The following CAMK1G variants were observed in gnomAD, a reference collection of about 807,000 sequenced individuals.
CAMK1G encodes the protein calcium/calmodulin dependent protein kinase IG, also known as calcium/calmodulin-dependent protein kinase type 1G.
Under a neutral mutation model 54.8 loss-of-function variants are expected in CAMK1G, and 27 were observed. The ratio of observed to expected loss-of-function variants is 0.49; its 90% CI spans 0.36 to 0.68. CAMK1G has a LOEUF of 0.68. CAMK1G is among the 30% of genes least tolerant of loss of function. The pLI, the probability that CAMK1G is intolerant of heterozygous loss-of-function variation, is 0.00. For synonymous variants in CAMK1G, 238 were observed against 224.9 expected (o/e 1.06, Z -0.52); for missense variants, 512 against 591.0 (o/e 0.87, Z 1.39).
intron 3 of CAMK1G, among the ~76,000 whole-genome samples, chr1:209,601,236 A>AAGCAAAGGT (rs1665518598): frequency 6.6e-6 from 1 of 152,168 alleles, no homozygotes; most frequent in Admixed American, 6.5e-5. Flanking sequence ...TTGAGAATAC[A>AAGCAAAGGT]AGCAAAGGTA....
At chr1:209,604,295 C>T (rs1665594639) in intron 4 of CAMK1G, among the ~76,000 whole-genome samples, 1 of 152,162 alleles carries the variant, frequency 6.6e-6, no homozygotes, top group Non-Finnish European at 1.5e-5. Context: ...CCATCAGGCA[C>T]TACAATGAGG....
chr1:209,602,009 A>C (rs550144569), intron 3 of CAMK1G, among the ~76,000 whole-genome samples: 2 of 152,106 alleles, frequency 1.3e-5, no homozygotes, highest in African/African-American at 4.8e-5. Context: ...TAAACTTCCT[A>C]GAGAATTTCC....
At chr1:209,599,039 A>G (rs149260671) in intron 2 of CAMK1G, among the ~76,000 whole-genome samples, 81 of 152,324 alleles carry the variant, frequency 5.3e-4, no homozygotes, top group African/African-American at 1.8e-3. Flanking sequence ...GAAACTGACA[A>G]TCATGGCAGA....
intron 1 of CAMK1G, among the ~76,000 whole-genome samples, chr1:209,594,454 A>G (rs1665331129): frequency 6.6e-6 from 1 of 152,258 alleles, no homozygotes; most frequent in Non-Finnish European, 1.5e-5. Flanking sequence ...TTTGCCCAGC[A>G]CTGTGCTAAA....
chr1:209,608,841 A>G, intron 7 of CAMK1G, 139 bp from the exon 8 acceptor site: 1 of 1,217,788 alleles, frequency 8.2e-7, no homozygotes, highest in Non-Finnish European at 1.1e-6. Flanking sequence ...TTTGAGGCAG[A>G]TCTGCGTCCT....
chr1:209,608,216 C>T (rs1665699176), intron 7 of CAMK1G, among the ~76,000 whole-genome samples: 8 of 152,224 alleles, frequency 5.3e-5, no homozygotes. Flanking sequence ...CACCCCTGCC[C>T]CTTTTACTGC....
At chr1:209,610,111 A>G (rs1665746976) in intron 9 of CAMK1G, among the ~76,000 whole-genome samples, 182 bp downstream of exon 9, 1 of 152,178 alleles carries the variant, frequency 6.6e-6, no homozygotes, top group Admixed American at 6.5e-5. Context: ...ACAGTGGAGC[A>G]GGTTCTAATG....
chr1:209,595,188 C>A, intron 2 of CAMK1G, 113 bp downstream of exon 2: 1 of 744,812 alleles, frequency 1.3e-6, no homozygotes, highest in Non-Finnish European at 2.3e-6. Flanking sequence ...GCTGTGACTT[C>A]ATTTCGATTT....
At chr1:209,608,370 G>A (rs149347740) in intron 7 of CAMK1G, among the ~76,000 whole-genome samples, 8 of 152,214 alleles carry the variant, frequency 5.3e-5, no homozygotes, top group African/African-American at 1.9e-4. Flanking sequence ...GCTGGTCAGG[G>A]CCTTTCCTTT....
intron 5 of CAMK1G, 109 bp from the exon 6 acceptor site, chr1:209,606,211 T>C: frequency 7.0e-7 from 1 of 1,422,944 alleles, no homozygotes. Context: ...GAGCTGGCCT[T>C]GAAGTCAGGA....
In CAMK1G at chr1:209,611,961, A is replaced by G; in HGVS notation, c.1085A>G (p.Asp362Gly). The G allele has an allele frequency of 6.2e-7, 1 of 1,614,242 alleles. No homozygotes were observed. The highest frequency in any genetic ancestry group is 8.5e-7 in the Non-Finnish European group (1 of 1,180,032). ...EITITEAPVLDHSVALPALTQ... is the reference protein window; with the variant it reads ...EITITEAPVLGHSVALPALTQ... ...ACCATCACCGAGGCACCTGTCCTGG[A>G]CCACAGTGTAGCACTCCCTGCCCTG... Residue 362 changes from aspartate (D) to glycine (G), a missense_variant, in exon 11 of 13, where the codon GAC becomes GGC. Around this residue, in one of 3 missense-constraint regions of CAMK1G, gnomAD observed 315 missense variants for 330.5 expected, o/e 0.95. Coordinates refer to ENST00000361322, the MANE Select transcript of CAMK1G (RefSeq NM_020439.3).
At position 209,588,796 on chromosome 1, in the gene CAMK1G, G is replaced by C. The variant is rs568455768; in HGVS notation, c.-30+5024G>C. ...AAGGACAGAGAAGCTCCATGGAAGG[G>C]GCATCTGCCTCCTGGGCTCATGGCC... On this transcript the variant is annotated intron_variant, in intron 1 of 12. Transcript: ENST00000361322. Among the ~76,000 whole-genome samples, 32 of 152,296 alleles carry C rather than the reference G, an allele frequency of 2.1e-4. No homozygotes were observed. In the South Asian group the frequency reaches 6.4e-3, roughly 31 times the overall value.
intron 1 of CAMK1G, among the ~76,000 whole-genome samples, chr1:209,593,550 C>T (rs899143711): frequency 1.1e-4 from 16 of 152,152 alleles, no homozygotes; most frequent in Non-Finnish European, 1.8e-4. Flanking sequence ...ATGTTTCTCT[C>T]TAGTATTCAT....
chr1:209,608,227 C>T (rs1283924494), intron 7 of CAMK1G, among the ~76,000 whole-genome samples: 1 of 152,218 alleles, frequency 6.6e-6, no homozygotes, highest in African/African-American at 2.4e-5. Context: ...CTTTTACTGC[C>T]TATAAATGTG....
chr1:209,600,577 G>A (rs776188196), intron 3 of CAMK1G, among the ~76,000 whole-genome samples: 1 of 152,200 alleles, frequency 6.6e-6, no homozygotes, highest in Non-Finnish European at 1.5e-5. Flanking sequence ...CCCTTATGGT[G>A]TACCAAAAGT....
intron 6 of CAMK1G, among the ~76,000 whole-genome samples, chr1:209,607,080 C>T (rs1371321019): frequency 6.6e-6 from 1 of 152,166 alleles, no homozygotes; most frequent in African/African-American, 2.4e-5. Context: ...CCGCTCCTGT[C>T]CCTTCCCACT....
chr1:209,609,601 G>A (rs1300784576), intron 8 of CAMK1G, among the ~76,000 whole-genome samples: 1 of 152,212 alleles, frequency 6.6e-6, no homozygotes, highest in African/African-American at 2.4e-5. Context: ...GGCACATGGG[G>A]GCCTTGTGAC....
At chr1:209,611,698 CAGGTTTCAAG>C in intron 10 of CAMK1G, 84 bp from the exon 11 acceptor site, 2 of 1,516,570 alleles carry the variant, frequency 1.3e-6, no homozygotes, top group Non-Finnish European at 1.8e-6. Flanking sequence ...AGTGGGCACC[CAGGTTTCAAG>C]AGGCCACAAG....
intron 4 of CAMK1G, 45 bp downstream of exon 4, chr1:209,603,333 C>A: frequency 6.6e-7 from 1 of 1,514,978 alleles, no homozygotes; most frequent in Non-Finnish European, 9.2e-7. Context: ...CCTGGTGGGG[C>A]CTGGGAGGCC....
Sources: gnomAD v4.1 joint callset for allele counts (sites outside exome capture counted in the v4.1 genomes callset) on GRCh38, gnomAD v4.1.1 for gene constraint, gnomAD v4.1.1 regional missense constraint, MANE v1.5 for transcripts, NCBI Gene and HGNC (gene_info 2026-07-23, HGNC 2026-07-21) for gene names.